HCFC1: variants seen among roughly 807,000 people sequenced by gnomAD.
HCFC1 encodes host cell factor 1.
In HCFC1, 7 loss-of-function variants were observed where a neutral mutation model predicts 105.5. That is an observed-to-expected ratio of 0.07 (90% CI 0.04 to 0.12). The LOEUF is 0.12. Among genes scored for constraint, HCFC1 ranks in the 10% least tolerant of loss-of-function variants. HCFC1 has a pLI of 1.00. For synonymous variants in HCFC1, 918 were observed against 828.1 expected (o/e 1.11, Z -1.86); for missense variants, 1,065 against 1,823.6 (o/e 0.58, Z 7.58).
At chrX:153,957,133 A>G in intron 13 of HCFC1, 73 bp from the exon 14 acceptor site, 1 of 1,109,645 alleles carries the variant, frequency 9.0e-7, no homozygotes, top group Non-Finnish European at 1.2e-6. Context: ...GACTATAATG[A>G]ACATCCACAA....
intron 16 of HCFC1, 75 bp downstream of exon 16, chrX:153,956,116 C>T (rs2065374017): frequency 7.2e-6 from 7 of 970,472 alleles, no homozygotes; most frequent in Non-Finnish European, 1.0e-5. Flanking sequence ...GGCCTGTGGA[C>T]GGACGGCGTG....
In HCFC1 at chrX:153,952,957, G is replaced by A. The variant is rs1277991321; in HGVS notation, c.4499C>T (p.Pro1500Leu). 9.4e-6 allele frequency: 11 copies of A among 1,168,681 alleles called. No individual in the cohort carries two copies. The highest frequency in any genetic ancestry group is 5.0e-5 in the Admixed American group (2 of 40,009). The part of the protein sequence containing the change: ...STPVPGPSVP[P>L]PEELQVSPGP... ...TGGCGACACCTGGAGTTCCTCTGGGGGCTGCAGGATGTCAACAGCAGAGAA... is the reference window on the plus strand; with the variant it reads ...TGGCGACACCTGGAGTTCCTCTGGGAGCTGCAGGATGTCAACAGCAGAGAA... Residue 1500 changes from proline (P) to leucine (L), a missense_variant and splice_region_variant, in exon 19 of 26, where the codon CCC becomes CTC. Coordinates refer to ENST00000310441, the MANE Select transcript of HCFC1 (RefSeq NM_005334.3).
chrX:153,963,219 G>A lies in HCFC1; in HGVS notation c.712+6C>T, dbSNP rs1165322624. On this transcript the variant is annotated splice_donor_region_variant and intron_variant, in intron 4 of 25. Transcript: ENST00000310441. ...ATGGCTGCTGGGGTGCTACCACCCT[G>A]CTCACCAATATCTAGGGTCCACAGG... The A allele has an allele frequency of 2.5e-6, 3 of 1,197,238 alleles. No individual in the cohort carries two copies. Among genetic ancestry groups the A allele is most frequent in the African/African-American group, 3.5e-5 (2 of 57,546 alleles).
chrX:153,949,573 C>T lies in HCFC1; in HGVS notation c.6048G>A (p.Arg2016=). Reference sequence around the variant, plus strand: ...CTTACATTTCTGGAGAGGACATGGGCCGCTTGTTGGCTGGCTTGGTGCCAG... The same window carrying T: ...CTTACATTTCTGGAGAGGACATGGGTCGCTTGTTGGCTGGCTTGGTGCCAG... ...DSSGTKPANK[R]PMSSPEMKSA... The change falls in exon 25 of 26, where the codon CGG becomes CGA. Residue 2016 remains arginine (R), a synonymous_variant. Coordinates refer to ENST00000310441, the MANE Select transcript of HCFC1 (RefSeq NM_005334.3). 1 of 1,211,209 alleles carries T rather than the reference C, an allele frequency of 8.3e-7. No individual in the cohort carries two copies. Among genetic ancestry groups the T allele is most frequent in the Non-Finnish European group, 1.1e-6 (1 of 894,869 alleles).
chrX:153,962,132 G>A lies in HCFC1; in HGVS notation c.797+90C>T, dbSNP rs915145227. On this transcript the variant is annotated intron_variant, in intron 5 of 25. Coordinates refer to ENST00000310441, the MANE Select transcript of HCFC1 (RefSeq NM_005334.3). ...CAGAAAGAGGCATCCTCAGGCCTTA[G>A]GGTCTGACAGGACAAAACTGAGTGA... The A allele has an allele frequency of 2.2e-5, 15 of 677,984 alleles. 1 individual carries two copies. The highest frequency in any genetic ancestry group is 2.2e-5 in the African/African-American group (1 of 46,305). The allele number at this position is 677,984 out of a possible 1,213,427, so 55.9% of individuals were successfully genotyped here.
chrX:153,961,996 G>A (rs994443409), intron 5 of HCFC1, among the ~76,000 whole-genome samples: 2 of 111,837 alleles, frequency 1.8e-5, no homozygotes, highest in Middle Eastern at 4.7e-3. Context: ...TCACAGGCCC[G>A]GGGAGGGTCT....
chrX:153,964,674 A>C lies in HCFC1; in HGVS notation c.246T>G (p.Cys82Trp), dbSNP rs942732299. Reference protein sequence around the residue: ...PAVRGDIPPGCAAYGFVCDGT... With the variant: ...PAVRGDIPPGWAAYGFVCDGT... ...CGTCACACACGAAGCCATAGGCTGC[A>C]CACCCAGGGGGAATGTCCCCCCTCA... The change falls in exon 2 of 26, where the codon TGT becomes TGG. Residue 82 changes from cysteine to tryptophan, a missense_variant. Cys to Trp is a radical substitution (Grantham distance 215). Around this residue, in one of 17 missense-constraint regions of HCFC1, gnomAD observed 38 missense variants for 190.1 expected, o/e 0.20. Coordinates refer to ENST00000310441, the MANE Select transcript of HCFC1 (RefSeq NM_005334.3). 1 of 1,197,661 alleles carries C rather than the reference A, an allele frequency of 8.3e-7. No homozygotes were observed. Among genetic ancestry groups the C allele is most frequent in the Non-Finnish European group, 1.1e-6 (1 of 888,919 alleles).
chrX:153,952,227 G>A lies in HCFC1; in HGVS notation c.4943-69C>T, dbSNP rs370171875. The A allele has an allele frequency of 7.9e-5, 85 of 1,077,598 alleles. 1 individual carries two copies. The highest frequency in any genetic ancestry group is 7.9e-4 in the African/African-American group (42 of 53,285). 88.8% of individuals were successfully genotyped at this position (1,077,598 alleles called of 1,213,427 possible). A position where few individuals can be genotyped will look rare whatever the true frequency, so the allele number is the denominator to read the frequency against. ...CCAGAAGCGGGCAGCCCGGGCGGAGGCCCCCAAAGCCTGTCCTAGAGACCC... is the reference window on the plus strand; with the variant it reads ...CCAGAAGCGGGCAGCCCGGGCGGAGACCCCCAAAGCCTGTCCTAGAGACCC... On this transcript the variant is annotated intron_variant, in intron 19 of 25. Transcript: ENST00000310441.
chrX:153,961,219 A>G (rs1357887819), intron 6 of HCFC1, among the ~76,000 whole-genome samples: 4 of 112,278 alleles, frequency 3.6e-5, no homozygotes, highest in African/African-American at 1.3e-4. Context: ...AGATATGAAG[A>G]GCCCCTGCAG....
In HCFC1 at chrX:153,950,803, C is replaced by T. The variant is rs1569546629; in HGVS notation, c.5703+10G>A. On this transcript the variant is annotated intron_variant, in intron 23 of 25. Transcript: ENST00000310441. ...CCAGGGACAGACGGCCACCCCACAG[C>T]AAGACTCACTTTGCTGATTTTAATG... 1 of 1,205,940 alleles carries T rather than the reference C, an allele frequency of 8.3e-7. No homozygotes were observed. The highest frequency in any genetic ancestry group is 1.8e-5 in the African/African-American group (1 of 56,705).
chrX:153,951,213 T>C, intron 22 of HCFC1, 137 bp downstream of exon 22: 1 of 738,442 alleles, frequency 1.4e-6, no homozygotes, highest in South Asian at 2.4e-5. Context: ...TCAGGGGGGA[T>C]GGTCTCTGCC....
chrX:153,960,418 G>C lies in HCFC1; in HGVS notation c.905-4C>G, dbSNP rs1557116522. 1 of 1,177,411 alleles carries C rather than the reference G, an allele frequency of 8.5e-7. No homozygotes were observed. Among genetic ancestry groups the C allele is most frequent in the Admixed American group, 2.3e-5 (1 of 43,515 alleles). ...ATGGTCTCCCAGGCCATGGTATCTG[G>C]GGGAGGGCAGACAAGGGAGGTCAGC... is the stretch of plus-strand genomic sequence containing the variant. On this transcript the variant is annotated splice_region_variant and splice_polypyrimidine_tract_variant and intron_variant, in intron 6 of 25. Transcript: ENST00000310441.
Position 153,950,905 on chromosome X carries a change from C to T in HCFC1, c.5611G>A (p.Ala1871Thr). The change falls in exon 23 of 26, where the codon GCC (alanine) becomes ACC (threonine). Residue 1871 changes from alanine (A) to threonine (T), a missense_variant. By Grantham distance (58) the Ala-to-Thr change is moderately conservative. Around this residue, in one of 17 missense-constraint regions of HCFC1, gnomAD observed 5 missense variants for 43.2 expected, o/e 0.12. Coordinates refer to ENST00000310441, the MANE Select transcript of HCFC1 (RefSeq NM_005334.3). ...AYKFRVAGIN[A>T]CGRGPFSEIS... Reference sequence around the variant, plus strand: ...TCGCTGAAGGGCCCCCGGCCACAGGCATTGATTCCGGCAACACGAAACTTA... The same window carrying T: ...TCGCTGAAGGGCCCCCGGCCACAGGTATTGATTCCGGCAACACGAAACTTA... 1 of 1,210,964 alleles carries T rather than the reference C, an allele frequency of 8.3e-7. No individual in the cohort carries two copies. Among genetic ancestry groups the T allele is most frequent in the East Asian group, 3.0e-5 (1 of 33,866 alleles).
At chrX:153,965,647 G>C (rs1448320054) in intron 1 of HCFC1, among the ~76,000 whole-genome samples, 2 of 112,416 alleles carry the variant, frequency 1.8e-5, no homozygotes, top group Non-Finnish European at 3.8e-5. Context: ...TGAGATCTCA[G>C]CAAGCAGACG....
chrX:153,962,365 T>C (rs2065437919), intron 4 of HCFC1, 59 bp from the exon 5 acceptor site: 2 of 858,042 alleles, frequency 2.3e-6, no homozygotes, highest in Non-Finnish European at 1.7e-6. Flanking sequence ...GGTCGTTCCC[T>C]GGATTCAAGC....
At chrX:153,969,078 G>A (rs1557119234) in intron 1 of HCFC1, among the ~76,000 whole-genome samples, 1 of 111,882 alleles carries the variant, frequency 8.9e-6, no homozygotes, top group East Asian at 2.8e-4. Flanking sequence ...GTGGTAGGTG[G>A]CGATAATCTC....
At chrX:153,950,644 T>A in intron 23 of HCFC1, 101 bp from the exon 24 acceptor site, 1 of 888,723 alleles carries the variant, frequency 1.1e-6, no homozygotes. Flanking sequence ...AGTAGAGATA[T>A]TCCATGTGGT....
intron 8 of HCFC1, 79 bp downstream of exon 8, chrX:153,959,723 C>G: frequency 9.0e-7 from 1 of 1,109,741 alleles, no homozygotes; most frequent in Non-Finnish European, 1.2e-6. Context: ...AGGCTGCCGT[C>G]TCGCAGCCCC....
At chrX:153,965,169 G>C (rs1254643891) in intron 1 of HCFC1, among the ~76,000 whole-genome samples, 3 of 111,196 alleles carry the variant, frequency 2.7e-5, no homozygotes, top group Non-Finnish European at 5.7e-5. Flanking sequence ...GGCCAAAACA[G>C]TGACCGCTGC....
Sources: gnomAD v4.1 joint callset for allele counts (sites outside exome capture counted in the v4.1 genomes callset) on GRCh38, gnomAD v4.1.1 for gene constraint, gnomAD v4.1.1 regional missense constraint, MANE v1.5 for transcripts, NCBI Gene and HGNC (gene_info 2026-07-23, HGNC 2026-07-21) for gene names.